ADAMTS12: variants seen among roughly 807,000 people sequenced by gnomAD.
The protein encoded by ADAMTS12 is A disintegrin and metalloproteinase with thrombospondin motifs 12.
Under a neutral mutation model 167.8 loss-of-function variants are expected in ADAMTS12, and 118 were observed. The ratio of observed to expected loss-of-function variants is 0.70; its 90% CI spans 0.61 to 0.82. ADAMTS12 has a LOEUF of 0.82. ADAMTS12 is among the 40% of genes least tolerant of loss of function. The pLI is 0.00. For missense variants in ADAMTS12, 1,916 were observed against 1,998.8 expected (o/e 0.96, Z 0.79); for synonymous variants, 704 against 716.9 (o/e 0.98, Z 0.29).
intron 2 of ADAMTS12, among the ~76,000 whole-genome samples, chr5:33,848,438 ATGT>A (rs1749028879): frequency 6.6e-6 from 1 of 152,214 alleles, no homozygotes; most frequent in Admixed American, 6.5e-5. Context: ...TGAATGTGAA[ATGT>A]TGAAGACAAG....
chr5:33,719,795 C>T (rs61692675), intron 3 of ADAMTS12, among the ~76,000 whole-genome samples: 4,655 of 152,190 alleles, frequency 0.031, 229 homozygotes, highest in African/African-American at 0.11. Context: ...CTCTTAAAAG[C>T]GAAGTTACTA....
At chr5:33,654,663 A>C (rs1160489083) in intron 7 of ADAMTS12, among the ~76,000 whole-genome samples, 1 of 152,212 alleles carries the variant, frequency 6.6e-6, no homozygotes, top group African/African-American at 2.4e-5. Flanking sequence ...CTACCCAAGT[A>C]GTGGTGTTTG....
chr5:33,584,620 CT>C (rs34612661), intron 18 of ADAMTS12, among the ~76,000 whole-genome samples: 2 of 152,170 alleles, frequency 1.3e-5, no homozygotes, highest in Non-Finnish European at 2.9e-5. Flanking sequence ...TGAACACTTA[CT>C]TTTTACCAGG....
chr5:33,816,350 T>G (rs1464170000), intron 2 of ADAMTS12, among the ~76,000 whole-genome samples: 2 of 152,276 alleles, frequency 1.3e-5, no homozygotes, highest in Admixed American at 6.5e-5. Context: ...TCTTAGAAAT[T>G]TTGAAATGTA....
chr5:33,701,918 T>C (rs1196415814), intron 3 of ADAMTS12, among the ~76,000 whole-genome samples: 1 of 152,154 alleles, frequency 6.6e-6, no homozygotes, highest in East Asian at 1.9e-4. Flanking sequence ...TCCTAAAACA[T>C]CCTCATCATT....
chr5:33,831,299 G>A (rs1028355979), intron 2 of ADAMTS12, among the ~76,000 whole-genome samples: 3 of 152,120 alleles, frequency 2.0e-5, no homozygotes. Flanking sequence ...TATCTTGTCC[G>A]AGATTATACA....
chr5:33,567,157 A>G (rs1027509477), intron 19 of ADAMTS12, among the ~76,000 whole-genome samples: 2 of 152,144 alleles, frequency 1.3e-5, no homozygotes, highest in Non-Finnish European at 2.9e-5. Context: ...CTAATTACAT[A>G]TGCACACACA....
intron 3 of ADAMTS12, among the ~76,000 whole-genome samples, chr5:33,747,032 T>C (rs1258540828): frequency 6.6e-6 from 1 of 152,226 alleles, no homozygotes; most frequent in East Asian, 1.9e-4. Flanking sequence ...ATATATTTCC[T>C]ACTGGTTGTT....
At position 33,606,127 on chromosome 5, in the gene ADAMTS12, T is replaced by C. The variant is rs1382977976; in HGVS notation, c.2527+8111A>G. Among the ~76,000 whole-genome samples the C allele has an allele frequency of 4.6e-5, 7 of 152,206 alleles. No individual in the cohort carries two copies. The East Asian group carries it at 1.3e-3, about 29-fold the overall frequency. ...CACGCCTGGCTAATTTTTGTATTTT[T>C]TGTAGAGATGAGGTTTCACCATGTT... On this transcript the variant is annotated intron_variant, in intron 16 of 23. Coordinates refer to ENST00000504830, the MANE Select transcript of ADAMTS12 (RefSeq NM_030955.4).
chr5:33,889,224 G>A (rs1029307998), intron 1 of ADAMTS12, among the ~76,000 whole-genome samples: 4 of 152,042 alleles, frequency 2.6e-5, no homozygotes, highest in South Asian at 2.1e-4. Context: ...TGAAGTGGGA[G>A]AATTGCTTAA....
At chr5:33,877,515 T>C (rs183482684) in intron 2 of ADAMTS12, among the ~76,000 whole-genome samples, 3 of 152,220 alleles carry the variant, frequency 2.0e-5, no homozygotes, top group African/African-American at 4.8e-5. Context: ...ATCTAACTGA[T>C]TAAAGAACAC....
chr5:33,647,738 CAAACAA>C (rs75404617), intron 9 of ADAMTS12, among the ~76,000 whole-genome samples: 85,266 of 151,254 alleles, frequency 0.56, 24,639 homozygotes, highest in East Asian at 0.66. Context: ...CTCAAACAAA[CAAACAA>C]AAACAAACAA....
intron 7 of ADAMTS12, among the ~76,000 whole-genome samples, chr5:33,652,659 T>A (rs544627629): frequency 6.6e-6 from 1 of 152,300 alleles, no homozygotes; most frequent in Non-Finnish European, 1.5e-5. Context: ...TATTTTTTGT[T>A]TTGCTGCATT....
chr5:33,694,244 A>C (rs981262399), intron 3 of ADAMTS12, among the ~76,000 whole-genome samples: 2 of 152,196 alleles, frequency 1.3e-5, no homozygotes, highest in Non-Finnish European at 2.9e-5. Flanking sequence ...GCAATTTAAA[A>C]ATTCAAATTT....
intron 16 of ADAMTS12, among the ~76,000 whole-genome samples, chr5:33,602,811 T>C (rs1738254062): frequency 6.6e-6 from 1 of 152,222 alleles, no homozygotes; most frequent in African/African-American, 2.4e-5. Context: ...AACAGAAGTA[T>C]CTGCTCCACG....
At chr5:33,798,006 GAC>G (rs2112467833) in intron 2 of ADAMTS12, among the ~76,000 whole-genome samples, 1 of 152,290 alleles carries the variant, frequency 6.6e-6, no homozygotes, top group Non-Finnish European at 1.5e-5. Context: ...TGGTAGGTAA[GAC>G]ATCTGACAAT....
intron 16 of ADAMTS12, among the ~76,000 whole-genome samples, chr5:33,609,718 G>T (rs1458988707): frequency 6.6e-6 from 1 of 152,196 alleles, no homozygotes; most frequent in African/African-American, 2.4e-5. Flanking sequence ...GACTAGAACA[G>T]AGACTTGCAA....
intron 3 of ADAMTS12, among the ~76,000 whole-genome samples, chr5:33,750,150 C>T (rs1199237142): frequency 6.6e-6 from 1 of 152,142 alleles, no homozygotes; most frequent in African/African-American, 2.4e-5. Context: ...ATACTGATAC[C>T]TTCATCACTC....
intron 1 of ADAMTS12, among the ~76,000 whole-genome samples, chr5:33,881,865 T>C (rs1373684217): frequency 6.6e-6 from 1 of 151,786 alleles, no homozygotes; most frequent in Non-Finnish European, 1.5e-5. Context: ...TGAGCTACCA[T>C]GCCCAGCCAC....
Sources: gnomAD v4.1 joint callset for allele counts (sites outside exome capture counted in the v4.1 genomes callset) on GRCh38, gnomAD v4.1.1 for gene constraint, MANE v1.5 for transcripts, NCBI Gene and HGNC (gene_info 2026-07-23, HGNC 2026-07-21) for gene names.